ZNF569: variants seen among roughly 807,000 people sequenced by gnomAD.
ZNF569 encodes the protein DNA-binding protein.
ZNF569 carries 38 observed loss-of-function variants against 56.3 expected under a neutral mutation model. The observed-to-expected ratio is 0.68, with a 90% CI of 0.52 to 0.88. The LOEUF (loss-of-function observed/expected upper bound fraction) is 0.88, where lower values mean the gene tolerates loss of function less well. ZNF569 is among the 40% of genes least tolerant of loss of function. The pLI, the probability that ZNF569 is intolerant of heterozygous loss-of-function variation, is 0.00. For missense variants in ZNF569, 666 were observed against 809.2 expected (o/e 0.82, Z 2.15); for synonymous variants, 241 against 262.9 (o/e 0.92, Z 0.81).
intron 5 of ZNF569, among the ~76,000 whole-genome samples, chr19:37,415,385 C>A (rs1383932491): frequency 1.3e-5 from 2 of 151,654 alleles, no homozygotes; most frequent in Non-Finnish European, 2.9e-5. Context: ...TTTAAAAATC[C>A]TTTATATAAA....
intron 5 of ZNF569, among the ~76,000 whole-genome samples, chr19:37,424,829 A>G (rs986654300): frequency 6.7e-6 from 1 of 149,218 alleles, no homozygotes; most frequent in Admixed American, 6.7e-5. Flanking sequence ...AAAAAAAAAA[A>G]AAAAAAAAAA....
chr19:37,413,177 T>C lies in ZNF569; in HGVS notation c.1481A>G (p.Tyr494Cys), dbSNP rs753709721. The change falls in exon 6 of 6, where the codon TAT (tyrosine) becomes TGT (cysteine). Residue 494 changes from tyrosine to cysteine, a missense_variant. Transcript: ENST00000316950. Reference protein sequence around the residue: ...HEKIHSGEKPYECNECGKAFS... With the variant: ...HEKIHSGEKPCECNECGKAFS... ...GGCTTTACCACATTCATTGCATTCA[T>C]AGGGTTTCTCTCCAGAATGAATTTT... 2.5e-6 allele frequency: 4 copies of C among 1,606,866 alleles called. No individual in the cohort carries two copies. The highest frequency in any genetic ancestry group is 3.4e-6 in the Non-Finnish European group (4 of 1,177,552).
At chr19:37,465,771 C>A (rs2041821224) in intron 1 of ZNF569, among the ~76,000 whole-genome samples, 1 of 152,144 alleles carries the variant, frequency 6.6e-6, no homozygotes, top group African/African-American at 2.4e-5. Context: ...CCTATCAATT[C>A]TACTTTTAGG....
At chr19:37,468,617 T>G (rs1309353483), upstream of ZNF569, among the ~76,000 whole-genome samples, 2 of 152,246 alleles carry the variant, frequency 1.3e-5, no homozygotes, top group African/African-American at 4.8e-5. Context: ...GCAATTTTTC[T>G]GCCTCAGCCT....
rs750138129 is a variant in ZNF569, at chr19:37,426,285, T to A, written c.109A>T (p.Met37Leu). The change falls in exon 4 of 6, where the codon ATG becomes TTG. Residue 37 changes from methionine (M) to leucine (L), a missense_variant. Coordinates refer to ENST00000316950, the MANE Select transcript of ZNF569 (RefSeq NM_152484.3). The part of the protein sequence containing the change: ...PAQRKLYRNV[M>L]LENYNNLITV... ...ATTAAGTTGTTATAGTTTTCTAGCA[T>A]CACATTCCGGTACAGTTTTCTCTGA... is the stretch of plus-strand genomic sequence containing the variant. 6.2e-7 allele frequency: 1 copy of A among 1,613,594 alleles called. No individual in the cohort carries two copies. Among genetic ancestry groups the A allele is most frequent in the South Asian group, 1.1e-5 (1 of 90,930 alleles).
At chr19:37,428,084 A>G (rs2041164616) in intron 3 of ZNF569, among the ~76,000 whole-genome samples, 1 of 152,242 alleles carries the variant, frequency 6.6e-6, no homozygotes, top group South Asian at 2.1e-4. Flanking sequence ...CTCAAGAGTG[A>G]GAGAATCCCA....
intron 2 of ZNF569, among the ~76,000 whole-genome samples, chr19:37,452,914 T>C (rs1346501486): frequency 6.6e-6 from 1 of 152,180 alleles, no homozygotes; most frequent in South Asian, 2.1e-4. Flanking sequence ...TTTTTCTCTA[T>C]TTTCTCCTGA....
At chr19:37,435,761 C>T (rs1728747492) in intron 3 of ZNF569, among the ~76,000 whole-genome samples, 2 of 152,168 alleles carry the variant, frequency 1.3e-5, no homozygotes, top group Admixed American at 1.3e-4. Flanking sequence ...AAGGTCATTA[C>T]ATGATGATAA....
At chr19:37,425,697 T>C (rs982188901) in intron 5 of ZNF569, 171 bp downstream of exon 5, 8 of 525,488 alleles carry the variant, frequency 1.5e-5, no homozygotes, top group Non-Finnish European at 2.7e-5. Flanking sequence ...ACTCCTGGAC[T>C]CAAGCAATCC....
chr19:37,416,250 CAAAAAAACAAAAAAACAAAAA>C (rs1440141383), intron 5 of ZNF569, among the ~76,000 whole-genome samples: 1 of 124,290 alleles, frequency 8.0e-6, no homozygotes, highest in African/African-American at 3.0e-5. Context: ...AACAAACAAA[CAAAAAAACAAAAAAACAAAAA>C]AAAAAAACAG....
intron 2 of ZNF569, among the ~76,000 whole-genome samples, chr19:37,460,859 T>C (rs2041747024): frequency 6.6e-6 from 1 of 151,264 alleles, no homozygotes. Context: ...CTGAACCAGA[T>C]TTTCAGAAAT....
upstream of ZNF569, among the ~76,000 whole-genome samples, chr19:37,468,359 G>A (rs573567620): frequency 5.9e-4 from 90 of 152,294 alleles, no homozygotes; most frequent in Admixed American, 4.6e-3. Flanking sequence ...AAAGTGCTAG[G>A]ATTACAGGCA....
chr19:37,420,297 A>G (rs1272702162), intron 5 of ZNF569, among the ~76,000 whole-genome samples: 1 of 151,990 alleles, frequency 6.6e-6, no homozygotes, highest in South Asian at 2.1e-4. Context: ...CCAATTTCTT[A>G]AGATAACAAT....
intron 3 of ZNF569, among the ~76,000 whole-genome samples, chr19:37,427,112 G>A (rs770110006): frequency 1.3e-5 from 2 of 151,096 alleles, no homozygotes; most frequent in Non-Finnish European, 2.9e-5. Flanking sequence ...GAGCCCAGGA[G>A]TTTTGAGACG....
At chr19:37,458,311 C>T in intron 2 of ZNF569, among the ~76,000 whole-genome samples, 1 of 152,104 alleles carries the variant, frequency 6.6e-6, no homozygotes, top group East Asian at 1.9e-4. Flanking sequence ...TTTCTGAATA[C>T]CTCATTAGCT....
At chr19:37,435,028 G>A (rs2041286852) in intron 3 of ZNF569, among the ~76,000 whole-genome samples, 1 of 152,134 alleles carries the variant, frequency 6.6e-6, no homozygotes, top group Non-Finnish European at 1.5e-5. Context: ...GGGAAGCTGA[G>A]GCAGGAGAAT....
At chr19:37,433,485 T>C (rs563131145) in intron 3 of ZNF569, among the ~76,000 whole-genome samples, 13 of 152,210 alleles carry the variant, frequency 8.5e-5, no homozygotes, top group African/African-American at 3.1e-4. Context: ...GATATTGATA[T>C]TCAAGTACAA....
At chr19:37,445,171 CAG>C (rs1390629015) in intron 2 of ZNF569, among the ~76,000 whole-genome samples, 32 of 152,118 alleles carry the variant, frequency 2.1e-4, no homozygotes, top group Non-Finnish European at 4.1e-4. Context: ...TGGATAGAAA[CAG>C]GGGTGCGTAT....
chr19:37,426,266 T>C lies in ZNF569; in HGVS notation c.128A>G (p.Asn43Ser). 6.2e-7 allele frequency: 1 copy of C among 1,611,984 alleles called. No homozygotes were observed. The highest frequency in any genetic ancestry group is 8.5e-7 in the Non-Finnish European group (1 of 1,179,338). The change falls in exon 4 of 6, where the codon AAC becomes AGC. Residue 43 changes from asparagine to serine, a missense_variant. Physicochemically the swap from Asn to Ser is conservative, Grantham distance 46. Coordinates refer to ENST00000316950, the MANE Select transcript of ZNF569 (RefSeq NM_152484.3). ...YRNVMLENYN[N>S]LITVGYPFTK... ...ATTACTCTTACCTACTGTGATTAAG[T>C]TGTTATAGTTTTCTAGCATCACATT...
Sources: allele counts gnomAD v4.1 joint callset (sites outside exome capture counted in the v4.1 genomes callset), GRCh38; gene constraint gnomAD v4.1.1; transcripts MANE v1.5; gene names NCBI Gene and HGNC (gene_info 2026-07-23, HGNC 2026-07-21).